Variants in CYFIP1 observed in about 807,000 individuals in gnomAD.
The protein encoded by CYFIP1 is cytoplasmic FMR1 interacting protein 1.
CYFIP1 carries 58 observed loss-of-function variants against 163.5 expected under a neutral mutation model. That is an observed-to-expected ratio of 0.35 (90% CI 0.29 to 0.44). The LOEUF is 0.44. Ranked by LOEUF, CYFIP1 falls within the 20% of genes least tolerant of loss-of-function variation. CYFIP1 has a pLI of 1.00. For synonymous variants in CYFIP1, 663 were observed against 660.7 expected (o/e 1.00, Z -0.05); for missense variants, 1,338 against 1,653.8 (o/e 0.81, Z 3.31).
rs190764699 is a variant in CYFIP1, at chr15:22,969,776, T to C, written c.-7+10511A>G. Reference sequence around the variant, plus strand: ...ATCCACTAGAAACAAATTTTAAATATAAAAATACAAGTACGGTGAAACTAA... The same window carrying C: ...ATCCACTAGAAACAAATTTTAAATACAAAAATACAAGTACGGTGAAACTAA... On this transcript the variant is annotated intron_variant, in intron 1 of 30. Transcript: ENST00000617928. 4.0e-3 allele frequency among the ~76,000 whole-genome samples: 608 copies of C among 152,060 alleles called. 5 individuals are homozygous for C. The highest frequency in any genetic ancestry group is 0.014 in the African/African-American group (588 of 41,476).
intron 3 of CYFIP1, among the ~76,000 whole-genome samples, chr15:22,946,468 C>G (rs1380990991): frequency 6.6e-6 from 1 of 152,016 alleles, no homozygotes; most frequent in Non-Finnish European, 1.5e-5. Flanking sequence ...TGGTGAAACC[C>G]TGTCTCTACT....
chr15:22,915,352 C>T (rs2060937818), intron 16 of CYFIP1, among the ~76,000 whole-genome samples: 2 of 152,078 alleles, frequency 1.3e-5, no homozygotes, highest in Admixed American at 6.5e-5. Flanking sequence ...CTCAAACTCC[C>T]GAATTCAAGT....
chr15:22,893,512 G>C (rs547570342), intron 22 of CYFIP1, among the ~76,000 whole-genome samples: 2 of 152,264 alleles, frequency 1.3e-5, no homozygotes, highest in African/African-American at 4.8e-5. Context: ...AATTGGAAGG[G>C]TTCGTTTAAA....
rs1472792631 is a variant in CYFIP1, at chr15:22,918,819, T to C, written c.1399A>G (p.Arg467Gly). ...GCGTGGTTGAACACGCTCTCCATCCTGCCCATCAGCACCTGCAGGCCTTTG... is the reference window on the plus strand; with the variant it reads ...GCGTGGTTGAACACGCTCTCCATCCCGCCCATCAGCACCTGCAGGCCTTTG... Reference protein sequence around the residue: ...MIKGLQVLMGRMESVFNHAIR... With the variant: ...MIKGLQVLMGGMESVFNHAIR... Residue 467 changes from arginine to glycine, a missense_variant, in exon 14 of 31, where the codon AGG becomes GGG. By Grantham distance (125) the Arg-to-Gly change is moderately radical. Transcript: ENST00000617928. The C allele has an allele frequency of 6.2e-7, 1 of 1,612,718 alleles. No homozygotes were observed. The highest frequency in any genetic ancestry group is 1.1e-5 in the South Asian group (1 of 90,968).
At chr15:22,923,198 G>C in intron 13 of CYFIP1, among the ~76,000 whole-genome samples, 1 of 152,192 alleles carries the variant, frequency 6.6e-6, no homozygotes, top group East Asian at 1.9e-4. Context: ...AATGGGAGAA[G>C]ATACTGAAAA....
At chr15:22,895,541 C>G (rs12591524) in intron 22 of CYFIP1, among the ~76,000 whole-genome samples, 6,373 of 152,276 alleles carry the variant, frequency 0.042, 202 homozygotes, top group East Asian at 0.14. Context: ...TTGGTGGCCT[C>G]TGGCCCAGTT....
At chr15:22,929,761 C>T (rs1226244405) in intron 11 of CYFIP1, among the ~76,000 whole-genome samples, 2 of 148,062 alleles carry the variant, frequency 1.4e-5, no homozygotes, top group Non-Finnish European at 3.0e-5. Flanking sequence ...CAGTGAAACC[C>T]CATCTCTACT....
chr15:22,893,944 T>C (rs537846200), intron 22 of CYFIP1, among the ~76,000 whole-genome samples: 1 of 152,302 alleles, frequency 6.6e-6, no homozygotes, highest in East Asian at 1.9e-4. Context: ...CCTGCGCCTG[T>C]GTTCTTAACA....
chr15:22,873,856 A>G, intron 28 of CYFIP1, 127 bp from the exon 29 acceptor site: 1 of 821,730 alleles, frequency 1.2e-6, no homozygotes, highest in South Asian at 1.6e-5. Context: ...CAGTGGCACA[A>G]TCACAGCTCG....
intron 1 of CYFIP1, among the ~76,000 whole-genome samples, chr15:22,947,627 G>A (rs747007222): frequency 2.5e-4 from 38 of 152,064 alleles, no homozygotes; most frequent in Admixed American, 2.0e-4. Context: ...GGACTCTCTC[G>A]AGGGTCTGAC....
At chr15:22,972,279 C>CA (rs1372493776) in intron 1 of CYFIP1, among the ~76,000 whole-genome samples, 1 of 151,816 alleles carries the variant, frequency 6.6e-6, no homozygotes, top group Non-Finnish European at 1.5e-5. Flanking sequence ...CTGCTAAAAA[C>CA]AAAAAAATTA....
chr15:22,872,679 T>A lies in CYFIP1; in HGVS notation c.3597+146A>T, dbSNP rs1318133566. The stretch of plus-strand genomic sequence containing the variant: ...CTTTACTGGCCAATTATATTTAGAT[T>A]CATTTTGGGAACGAAAAGAAAGTTT... On this transcript the variant is annotated intron_variant, in intron 30 of 30. Coordinates refer to ENST00000617928, the MANE Select transcript of CYFIP1 (RefSeq NM_014608.6). The A allele has an allele frequency of 1.2e-5, 9 of 734,348 alleles. No homozygotes were observed. The Admixed American group carries it at 2.6e-4, about 21-fold the overall frequency. 45.5% of individuals were successfully genotyped at this position (734,348 alleles called of 1,614,324 possible).
chr15:22,941,215 C>A (rs1261317289), intron 6 of CYFIP1, among the ~76,000 whole-genome samples: 1 of 150,396 alleles, frequency 6.6e-6, no homozygotes, highest in Non-Finnish European at 1.5e-5. Flanking sequence ...GCCACCACAC[C>A]CAGCTAGTTT....
intron 1 of CYFIP1, among the ~76,000 whole-genome samples, chr15:22,972,478 C>A (rs1391638591): frequency 6.6e-6 from 1 of 152,028 alleles, no homozygotes; most frequent in Non-Finnish European, 1.5e-5. Context: ...GATATAGTAA[C>A]CCAAACAGCA....
intron 6 of CYFIP1, among the ~76,000 whole-genome samples, chr15:22,940,974 A>T (rs759090684): frequency 6.6e-6 from 1 of 152,190 alleles, no homozygotes; most frequent in Non-Finnish European, 1.5e-5. Flanking sequence ...CAGGAGACGC[A>T]GAGGTTGCAG....
At position 22,867,982 on chromosome 15, in the gene CYFIP1, ATT is replaced by A. The variant is rs2059249415; in HGVS notation, c.*2044_*2045del. ...CATTGACTGGCCTTTAAAAAAAAGT[ATT>A]GGCAGAATTAATTTCCACCTAGGTG... On this transcript the variant is annotated 3_prime_UTR_variant, in exon 31 of 31. Coordinates refer to ENST00000617928, the MANE Select transcript of CYFIP1 (RefSeq NM_014608.6). 6.6e-6 allele frequency: 1 copy of A among 152,370 alleles called. No homozygotes were observed. The highest frequency in any genetic ancestry group is 2.1e-4 in the South Asian group (1 of 4,832). 9.4% of individuals were successfully genotyped at this position (152,370 alleles called of 1,614,324 possible).
In CYFIP1 at chr15:22,868,538, G is replaced by A. The variant is rs1278508195; in HGVS notation, c.*1490C>T. The A allele has an allele frequency of 2.0e-5, 3 of 151,948 alleles. No individual in the cohort carries two copies. Among genetic ancestry groups the A allele is most frequent in the African/African-American group, 7.3e-5 (3 of 41,344 alleles). The allele number at this position is 151,948 out of a possible 1,614,324, so 9.4% of individuals were successfully genotyped here. A position where few individuals can be genotyped will look rare whatever the true frequency, so the allele number is the denominator to read the frequency against. ...AAGCACAGCTACCACCTCTAAATCT[G>A]CAGCAGAATGCTGGCCCCAGGGTTA... On this transcript the variant is annotated 3_prime_UTR_variant, in exon 31 of 31. Coordinates refer to ENST00000617928, the MANE Select transcript of CYFIP1 (RefSeq NM_014608.6).
At chr15:22,888,253 T>C (rs1222510951) in intron 23 of CYFIP1, among the ~76,000 whole-genome samples, 1 of 152,218 alleles carries the variant, frequency 6.6e-6, no homozygotes, top group Non-Finnish European at 1.5e-5. Flanking sequence ...AGATATACAC[T>C]GTGACTCATA....
chr15:22,935,881 C>T (rs1399161113), intron 9 of CYFIP1, among the ~76,000 whole-genome samples: 1 of 152,098 alleles, frequency 6.6e-6, no homozygotes, highest in Non-Finnish European at 1.5e-5. Flanking sequence ...AACATCACAT[C>T]ATATACCATA....
Sources: allele counts gnomAD v4.1 joint callset (sites outside exome capture counted in the v4.1 genomes callset), GRCh38; gene constraint gnomAD v4.1.1; transcripts MANE v1.5; gene names NCBI Gene and HGNC (gene_info 2026-07-23, HGNC 2026-07-21).